Variants in ARHGAP5 observed in about 807,000 individuals in gnomAD.
The protein encoded by ARHGAP5 is Rho GTPase activating protein 5.
ARHGAP5 carries 23 observed loss-of-function variants against 116.6 expected under a neutral mutation model. That is an observed-to-expected ratio of 0.20 (90% confidence interval 0.14 to 0.28). The LOEUF (loss-of-function observed/expected upper bound fraction) is 0.28. Among genes scored for constraint, ARHGAP5 ranks in the 10% least tolerant of loss-of-function variants. The pLI, the probability that ARHGAP5 is intolerant of heterozygous loss-of-function variation, is 1.00. For missense variants in ARHGAP5, 1,405 were observed against 1,774.8 expected, an observed-to-expected ratio of 0.79 and a Z score of 3.74; for synonymous variants, 574 against 602.0, an observed-to-expected ratio of 0.95 and a Z score of 0.68.
At position 32,157,637 on chromosome 14, in the gene ARHGAP5, CTAATT is replaced by C. The variant is rs1049146985; in HGVS notation, c.*2693_*2697del. The C allele has an allele frequency of 4.0e-4, 61 of 152,066 alleles. No homozygotes were observed. Among genetic ancestry groups the C allele is most frequent in the African/African-American group, 1.3e-3 (54 of 41,532 alleles). The allele number at this position is 152,066 out of a possible 1,614,324, so 9.4% of individuals were successfully genotyped here. On this transcript the variant is annotated 3_prime_UTR_variant, in exon 7 of 7. Transcript: ENST00000345122. ...AACAGACACTTATTAGGATATACAA[CTAATT>C]TAAGAATAAAATTCCAGGCACAATA...
Position 32,092,687 on chromosome 14 carries a change from A to G in ARHGAP5, c.2018A>G (p.Glu673Gly). ...ATTGAGTCATTGAGTTTTATTGGGG[A>G]ATTTATTGGGAAAATAAGAACTGAA... ...NSIESLSFIG[E>G]FIGKIRTEAS... The change falls in exon 2 of 7, where the codon GAA becomes GGA. Residue 673 changes from glutamate (E) to glycine (G), a missense_variant. Coordinates refer to ENST00000345122, the MANE Select transcript of ARHGAP5 (RefSeq NM_001030055.2). This position sits in a 1 kb window ranked among gnomAD's most constrained non-coding sequence, Gnocchi z 4.1. 6.2e-7 allele frequency: 1 copy of G among 1,613,882 alleles called. No homozygotes were observed. Among genetic ancestry groups the G allele is most frequent in the Non-Finnish European group, 8.5e-7 (1 of 1,179,872 alleles).
intron 6 of ARHGAP5, among the ~76,000 whole-genome samples, chr14:32,153,368 T>C (rs1881736989): frequency 9.7e-6 from 1 of 103,272 alleles, no homozygotes; most frequent in Non-Finnish European, 1.7e-5. Context: ...GATCATGCCA[T>C]TGCACTTCAG....
At chr14:32,108,930 GAC>G (rs1201338813) in intron 2 of ARHGAP5, among the ~76,000 whole-genome samples, 6 of 152,042 alleles carry the variant, frequency 3.9e-5, no homozygotes, top group African/African-American at 1.4e-4. Flanking sequence ...TACTTGACCT[GAC>G]AAAGTAAAGG....
intron 1 of ARHGAP5, among the ~76,000 whole-genome samples, chr14:32,086,198 T>C (rs2041828087): frequency 6.6e-6 from 1 of 152,170 alleles, no homozygotes; most frequent in South Asian, 2.1e-4. Flanking sequence ...TGCCTTAGCA[T>C]GTTGTCTTCC....
chr14:32,154,578 A>G (rs750104706), intron 6 of ARHGAP5, 43 bp from the exon 7 acceptor site: 1 of 1,408,632 alleles, frequency 7.1e-7, no homozygotes. Context: ...TGTGATTGTA[A>G]TGAGTTTTGA....
chr14:32,101,014 TG>T (rs1452442046), intron 2 of ARHGAP5, among the ~76,000 whole-genome samples: 3 of 152,222 alleles, frequency 2.0e-5, no homozygotes, highest in African/African-American at 7.2e-5. Context: ...AAATACTTGG[TG>T]AATTTTATGG....
chr14:32,117,476 A>G (rs1879661490), intron 3 of ARHGAP5, among the ~76,000 whole-genome samples, 189 bp downstream of exon 3: 1 of 152,202 alleles, frequency 6.6e-6, no homozygotes, highest in Non-Finnish European at 1.5e-5. Flanking sequence ...TAATGCTTTT[A>G]TTGGACTTCT....
chr14:32,099,520 C>G (rs1311023639), intron 2 of ARHGAP5, among the ~76,000 whole-genome samples: 1 of 152,138 alleles, frequency 6.6e-6, no homozygotes, highest in Non-Finnish European at 1.5e-5. Context: ...GGTTCCCTCA[C>G]CTATAAATTA....
At chr14:32,134,216 T>C (rs953268746) in intron 3 of ARHGAP5, among the ~76,000 whole-genome samples, 2 of 152,188 alleles carry the variant, frequency 1.3e-5, no homozygotes, top group Non-Finnish European at 2.9e-5. Flanking sequence ...ATGAATTTTT[T>C]CATGAAAAAA....
chr14:32,135,064 T>C (rs1022366780), intron 3 of ARHGAP5, among the ~76,000 whole-genome samples: 1 of 152,220 alleles, frequency 6.6e-6, no homozygotes, highest in African/African-American at 2.4e-5. Flanking sequence ...GCATTGTTTG[T>C]CTTAACATCT....
At chr14:32,143,479 C>T (rs765849300) in intron 3 of ARHGAP5, among the ~76,000 whole-genome samples, 2 of 152,132 alleles carry the variant, frequency 1.3e-5, no homozygotes, top group Non-Finnish European at 2.9e-5. Context: ...CTCCTGACCT[C>T]GTGATCCGCC....
chr14:32,137,205 AG>A (rs1880848244), intron 3 of ARHGAP5, among the ~76,000 whole-genome samples: 1 of 150,012 alleles, frequency 6.7e-6, no homozygotes, highest in African/African-American at 2.5e-5. Context: ...TAGGTTTTAT[AG>A]GGTTTGCTCT....
rs200751587 is a variant in ARHGAP5 at position 32,139,075 on chromosome 14, G to A, written c.3866-7188G>A. Among the ~76,000 whole-genome samples the A allele has an allele frequency of 5.9e-5, 9 of 151,950 alleles. No individual in the cohort carries two copies. The East Asian group carries it at 1.5e-3, about 26-fold the overall frequency. On this transcript the variant is annotated intron_variant, in intron 3 of 6. Coordinates refer to ENST00000345122, the MANE Select transcript of ARHGAP5 (RefSeq NM_001030055.2). ...TGGATAAATCCTACTTGGTCATGAT[G>A]TATAATCTTAATATTCTATTCTTAA... is the stretch of plus-strand genomic sequence containing the variant.
intron 3 of ARHGAP5, among the ~76,000 whole-genome samples, chr14:32,121,443 A>G (rs909721723): frequency 4.6e-5 from 7 of 152,200 alleles, no homozygotes; most frequent in Non-Finnish European, 1.0e-4. Context: ...TAAGAACCTT[A>G]GAACAGTATA....
chr14:32,097,617 G>A (rs763426840), intron 2 of ARHGAP5, among the ~76,000 whole-genome samples: 2 of 152,008 alleles, frequency 1.3e-5, no homozygotes, highest in Non-Finnish European at 2.9e-5. Context: ...ATCCTACTCA[G>A]AGCAAAAGAT....
At position 32,117,065 on chromosome 14, in the gene ARHGAP5, G is replaced by A. The variant is rs115462135; in HGVS notation, c.3718-75G>A. 6.8e-4 allele frequency: 816 copies of A among 1,198,102 alleles called. 3 individuals carry two copies. The African/African-American group carries it at 0.011, about 17-fold the overall frequency. 74.2% of individuals were successfully genotyped at this position (1,198,102 alleles called of 1,614,324 possible). On this transcript the variant is annotated intron_variant, in intron 2 of 6. Coordinates refer to ENST00000345122, the MANE Select transcript of ARHGAP5 (RefSeq NM_001030055.2). ...TAAAATTTTTCTTTTGATCCGAACC[G>A]TGTATTTACATTGCTCATTACTATT...
chr14:32,091,089 A>G lies in ARHGAP5; in HGVS notation c.420A>G (p.Leu140=). 2 of 1,613,712 alleles carry G rather than the reference A, an allele frequency of 1.2e-6. No individual in the cohort carries two copies. The highest frequency in any genetic ancestry group is 1.7e-6 in the Non-Finnish European group (2 of 1,179,666). The change falls in exon 2 of 7, where the codon TTA becomes TTG. Residue 140 remains leucine, a synonymous_variant. Transcript: ENST00000345122. ...LMYICTDQLG[L]EQDFEQKQMP... is the part of the protein sequence containing the mutation. ...ACATTTGCACTGATCAGCTAGGCTT[A>G]GAACAAGACTTTGAACAGAAGCAAA...
rs755563599 is a variant in ARHGAP5, at chr14:32,093,480, T to A, written c.2811T>A (p.Asp937Glu). 2 of 1,612,572 alleles carry A rather than the reference T, an allele frequency of 1.2e-6. No individual in the cohort carries two copies. The highest frequency in any genetic ancestry group is 2.2e-5 in the East Asian group (1 of 44,890). The change falls in exon 2 of 7, where the codon GAT becomes GAA. Residue 937 changes from aspartate to glutamate, a missense_variant. This residue lies in a region of ARHGAP5 where 944 missense variants were observed against 1,095.3 expected (regional missense o/e 0.86). Transcript: ENST00000345122. ...QTEVFTLFFS[D>E]VLEKKNMIEN... ...AGGTCTTTACTCTGTTTTTTAGTGA[T>A]GTTCTAGAGAAAAAAAATATGATAG...
chr14:32,129,275 T>G (rs1211404414), intron 3 of ARHGAP5, among the ~76,000 whole-genome samples: 1 of 152,232 alleles, frequency 6.6e-6, no homozygotes. Flanking sequence ...GTTCCCATTT[T>G]TTTTTCAGTT....
Sources: allele counts gnomAD v4.1 joint callset (sites outside exome capture counted in the v4.1 genomes callset), GRCh38; gene constraint gnomAD v4.1.1; regional missense constraint gnomAD v4.1.1; non-coding constraint Gnocchi (gnomAD v3.1); transcripts MANE v1.5; gene names NCBI Gene and HGNC (gene_info 2026-07-23, HGNC 2026-07-21).